SGCZ: variants seen among roughly 807,000 people sequenced by gnomAD.
SGCZ encodes sarcoglycan zeta, also known as zeta-sarcoglycan.
SGCZ carries 40 observed loss-of-function variants against 41.3 expected under a neutral mutation model. The ratio of observed to expected loss-of-function variants is 0.97; its 90% CI spans 0.75 to 1.26. The LOEUF is 1.26. Among genes scored for constraint, SGCZ ranks in the 50% most tolerant of loss-of-function variants. The pLI is 0.00. For synonymous variants in SGCZ, 206 were observed against 137.5 expected, an observed-to-expected ratio of 1.50 and a Z score of -3.49; for missense variants, 552 against 369.8, an observed-to-expected ratio of 1.49 and a Z score of -4.04.
At chr8:14,917,732 A>G (rs1799479861) in intron 1 of SGCZ, among the ~76,000 whole-genome samples, 1 of 152,044 alleles carries the variant, frequency 6.6e-6, no homozygotes, top group African/African-American at 2.4e-5. Flanking sequence ...CAAAGCTAGT[A>G]TTTTTCTCCA....
intron 1 of SGCZ, among the ~76,000 whole-genome samples, chr8:14,697,732 T>C (rs188578942): frequency 3.7e-4 from 56 of 152,112 alleles, no homozygotes; most frequent in African/African-American, 1.3e-3. Context: ...AATCCAAAAC[T>C]CTGGATAACA....
At chr8:14,309,253 T>C (rs763026754) in intron 3 of SGCZ, 130 of 1,527,962 alleles carry the variant, frequency 8.5e-5, no homozygotes, top group Non-Finnish European at 1.1e-4. Flanking sequence ...TGTACAACCA[T>C]ATCCAGTTGT....
rs1256571624 is a variant in SGCZ at position 14,702,808 on chromosome 8, GTTA to G, written c.40-147885_40-147883del. ...AGACAGACAGGCAGACAGGTAGGTAGTTAGGTAGATAGATAGATAGATAGATAG... is the reference window on the plus strand; with the variant it reads ...AGACAGACAGGCAGACAGGTAGGTAGGGTAGATAGATAGATAGATAGATAG... On this transcript the variant is annotated intron_variant, in intron 1 of 7. Transcript: ENST00000382080. Among the ~76,000 whole-genome samples, 32 of 132,764 alleles carry G rather than the reference GTTA, an allele frequency of 2.4e-4. 1 individual carries two copies. The highest frequency in any genetic ancestry group is 8.4e-4 in the African/African-American group (31 of 37,058). The allele number at this position is 132,764 out of a possible 152,430, so 87.1% of individuals were successfully genotyped here. A position where few individuals can be genotyped will look rare whatever the true frequency, so the allele number is the denominator to read the frequency against.
chr8:14,259,903 G>C (rs1304531593), intron 3 of SGCZ, among the ~76,000 whole-genome samples: 2 of 152,074 alleles, frequency 1.3e-5, no homozygotes, highest in South Asian at 2.1e-4. Context: ...ACCTTGGGCA[G>C]TATGGCCATT....
At chr8:14,369,735 A>G (rs1278666951) in intron 2 of SGCZ, among the ~76,000 whole-genome samples, 1 of 151,858 alleles carries the variant, frequency 6.6e-6, no homozygotes, top group East Asian at 1.9e-4. Flanking sequence ...TTTCTTCTGC[A>G]TTTACTTCTT....
intron 5 of SGCZ, among the ~76,000 whole-genome samples, chr8:14,151,421 T>A (rs1315959210): frequency 1.3e-5 from 2 of 150,780 alleles, no homozygotes; most frequent in Non-Finnish European, 3.0e-5. Flanking sequence ...TTAAAAATGA[T>A]TCCTGAAAGA....
chr8:14,455,361 T>A (rs907186182), intron 2 of SGCZ, among the ~76,000 whole-genome samples: 12 of 151,994 alleles, frequency 7.9e-5, no homozygotes, highest in African/African-American at 2.9e-4. Flanking sequence ...ATTTAAACTG[T>A]CCTAGTTGGT....
In SGCZ at chr8:14,743,878, G is replaced by A. The variant is rs75364216; in HGVS notation, c.40-188952C>T. ...AAATAATGACACAGTGAAATTCAAT[G>A]ATAGATTAAATCCCGTGGAGAATTC... On this transcript the variant is annotated intron_variant, in intron 1 of 7. Transcript: ENST00000382080. 8.4e-3 allele frequency among the ~76,000 whole-genome samples: 1,273 copies of A among 152,210 alleles called. 19 individuals are homozygous for A. Among genetic ancestry groups the A allele is most frequent in the African/African-American group, 0.027 (1,129 of 41,546 alleles).
chr8:14,966,926 G>C (rs1286991206), intron 1 of SGCZ, among the ~76,000 whole-genome samples: 1 of 152,054 alleles, frequency 6.6e-6, no homozygotes, highest in Non-Finnish European at 1.5e-5. Flanking sequence ...TTGGGGAGGG[G>C]AGGTACAGAA....
chr8:14,118,695 G>A (rs569095746), intron 5 of SGCZ, among the ~76,000 whole-genome samples: 1 of 152,230 alleles, frequency 6.6e-6, no homozygotes, highest in South Asian at 2.1e-4. Context: ...ATGGTTTTAG[G>A]TGTTACATTT....
chr8:15,178,932 T>G (rs1800078058), intron 1 of SGCZ, among the ~76,000 whole-genome samples: 1 of 152,232 alleles, frequency 6.6e-6, no homozygotes, highest in Non-Finnish European at 1.5e-5. Context: ...CTAAACATAG[T>G]GAAGTCAACT....
Position 15,004,964 on chromosome 8 carries a change from T to C in SGCZ, c.39+232621A>G, listed in dbSNP as rs553996785. 2.6e-5 allele frequency among the ~76,000 whole-genome samples: 4 copies of C among 152,282 alleles called. No individual in the cohort carries two copies. The South Asian group carries it at 8.3e-4, about 32-fold the overall frequency. ...GCATATCTGAGGTGGTATCTATGCA[T>C]GTATTTTTCTAAATATTCTTCCAAA... On this transcript the variant is annotated intron_variant, in intron 1 of 7. Transcript: ENST00000382080.
intron 1 of SGCZ, among the ~76,000 whole-genome samples, chr8:14,624,555 A>ATTATTATTATTT (rs1438250019): frequency 6.2e-5 from 6 of 96,250 alleles, no homozygotes; most frequent in East Asian, 7.7e-4. Flanking sequence ...TATTATTATT[A>ATTATTATTATTT]TTTTTTTTTT....
At chr8:14,387,516 T>C (rs925914210) in intron 2 of SGCZ, among the ~76,000 whole-genome samples, 2 of 152,196 alleles carry the variant, frequency 1.3e-5, no homozygotes, top group Admixed American at 6.5e-5. Context: ...TTGAAGATCA[T>C]TGCTGGTAAT....
intron 1 of SGCZ, among the ~76,000 whole-genome samples, chr8:15,042,019 T>A (rs1022183179): frequency 3.9e-5 from 6 of 152,220 alleles, no homozygotes; most frequent in Non-Finnish European, 5.9e-5. Flanking sequence ...ATGTATATTC[T>A]TTGGGTTTAT....
intron 1 of SGCZ, among the ~76,000 whole-genome samples, chr8:14,909,511 T>A (rs1001160587): frequency 6.6e-6 from 1 of 152,198 alleles, no homozygotes; most frequent in African/African-American, 2.4e-5. Flanking sequence ...GTCTGATTTA[T>A]CTGTGCTAAC....
intron 1 of SGCZ, among the ~76,000 whole-genome samples, chr8:14,590,290 C>A (rs1387390378): frequency 1.3e-5 from 2 of 151,736 alleles, no homozygotes; most frequent in Non-Finnish European, 2.9e-5. Context: ...AGCACATAAA[C>A]AGGAGTTAAA....
chr8:14,679,529 T>G (rs1190659089), intron 1 of SGCZ, among the ~76,000 whole-genome samples: 3 of 151,376 alleles, frequency 2.0e-5, no homozygotes, highest in African/African-American at 7.3e-5. Flanking sequence ...CACATATATG[T>G]GCTTATAAAA....
chr8:15,156,229 G>A (rs951565937), intron 1 of SGCZ, among the ~76,000 whole-genome samples: 1 of 152,022 alleles, frequency 6.6e-6, no homozygotes, highest in Non-Finnish European at 1.5e-5. Flanking sequence ...GTCCAAAAAC[G>A]CAGACTATGA....
Sources: allele counts gnomAD v4.1 joint callset (sites outside exome capture counted in the v4.1 genomes callset), GRCh38; gene constraint gnomAD v4.1.1; transcripts MANE v1.5; gene names NCBI Gene and HGNC (gene_info 2026-07-23, HGNC 2026-07-21).